Variants in LAP3 observed in about 807,000 individuals in gnomAD.
LAP3 encodes the protein cytosol aminopeptidase.
A neutral mutation model predicts 58.8 loss-of-function variants in LAP3; 46 were observed. The observed-to-expected ratio is 0.78, with a 90% CI of 0.62 to 1.00. The LOEUF (loss-of-function observed/expected upper bound fraction) is 1.00. Ranked by LOEUF, LAP3 falls within the 50% of genes least tolerant of loss-of-function variation. The pLI is 0.00. For missense variants in LAP3, 615 were observed against 659.1 expected, an observed-to-expected ratio of 0.93 and a Z score of 0.73; for synonymous variants, 257 against 237.7, an observed-to-expected ratio of 1.08 and a Z score of -0.75.
chr4:17,593,421 T>C (rs1205419689), intron 7 of LAP3, among the ~76,000 whole-genome samples: 1 of 152,040 alleles, frequency 6.6e-6, no homozygotes, highest in East Asian at 1.9e-4. Context: ...CAGTTGTCCA[T>C]ATAATTGTAG....
At chr4:17,597,734 T>C (rs578037273) in intron 9 of LAP3, among the ~76,000 whole-genome samples, 1 of 152,322 alleles carries the variant, frequency 6.6e-6, no homozygotes, top group South Asian at 2.1e-4. Flanking sequence ...AGCAGTAAAA[T>C]TGTGGGCTAT....
At chr4:17,587,309 G>T (rs1455011603) in intron 6 of LAP3, among the ~76,000 whole-genome samples, 3 of 152,186 alleles carry the variant, frequency 2.0e-5, no homozygotes, top group African/African-American at 7.2e-5. Context: ...ACTCTCCATT[G>T]TAGGTCAGTG....
intron 7 of LAP3, among the ~76,000 whole-genome samples, chr4:17,592,085 A>G (rs1346785107): frequency 1.3e-5 from 2 of 152,196 alleles, no homozygotes; most frequent in Non-Finnish European, 2.9e-5. Flanking sequence ...GTAAAACACC[A>G]TCTTTAAATA....
At chr4:17,589,021 T>G (rs151107690) in intron 7 of LAP3, 44 bp downstream of exon 7, 152 of 1,590,612 alleles carry the variant, frequency 9.6e-5, no homozygotes, top group Non-Finnish European at 1.2e-4. Context: ...GTGAATTATT[T>G]GTGTGCAGTT....
chr4:17,588,096 T>C (rs1196274410), intron 6 of LAP3, among the ~76,000 whole-genome samples: 1 of 152,170 alleles, frequency 6.6e-6, no homozygotes, highest in Non-Finnish European at 1.5e-5. Context: ...GGCGAGATCG[T>C]GGCTCACTGC....
chr4:17,583,471 T>C lies in LAP3; in HGVS notation c.380-12T>C, dbSNP rs749133535. ...ACTGACTCCAGTTTTCTGATTCCTC[T>C]GTCTTTTCAAGCGGGGTGCAGGCAG... On this transcript the variant is annotated splice_polypyrimidine_tract_variant and intron_variant, in intron 4 of 12. Transcript: ENST00000226299. 2.5e-6 allele frequency: 4 copies of C among 1,613,100 alleles called. No homozygotes were observed. The highest frequency in any genetic ancestry group is 3.4e-6 in the Non-Finnish European group (4 of 1,179,982).
rs1169028048 is a variant in LAP3, at chr4:17,582,422, C to T, written c.379+29C>T. On this transcript the variant is annotated intron_variant, in intron 4 of 12. Transcript: ENST00000226299. ...ATTTCACTTTTTAAGTTTAAAGAATCCTGAGGATCCACTCTTTTTGATGAC... is the reference window on the plus strand; with the variant it reads ...ATTTCACTTTTTAAGTTTAAAGAATTCTGAGGATCCACTCTTTTTGATGAC... 3 of 1,539,992 alleles carry T rather than the reference C, an allele frequency of 1.9e-6. No individual in the cohort carries two copies. In the South Asian group the frequency reaches 3.5e-5, roughly 18 times the overall value.
At chr4:17,606,965 T>G (rs747251475) in intron 12 of LAP3, 27 bp downstream of exon 12, 1 of 1,429,220 alleles carries the variant, frequency 7.0e-7, no homozygotes, top group Admixed American at 1.8e-5. Context: ...AAATGTACAT[T>G]TATACAATCA....
intron 2 of LAP3, among the ~76,000 whole-genome samples, chr4:17,581,054 C>T (rs112438978): frequency 1.5e-4 from 23 of 152,326 alleles, no homozygotes; most frequent in African/African-American, 4.8e-4. Context: ...GAGTACAGAA[C>T]GCCTGCCTTG....
chr4:17,581,566 C>G (rs1357791918), intron 2 of LAP3, among the ~76,000 whole-genome samples, 194 bp from the exon 3 acceptor site: 1 of 116,210 alleles, frequency 8.6e-6, no homozygotes, highest in African/African-American at 3.0e-5. Flanking sequence ...GAGTGAGACC[C>G]TGTCTCTATT....
At chr4:17,588,682 T>G (rs1713594674) in intron 6 of LAP3, 137 bp from the exon 7 acceptor site, 10 of 733,738 alleles carry the variant, frequency 1.4e-5, no homozygotes, top group Non-Finnish European at 1.9e-5. Context: ...TAATGGGACC[T>G]GATAATTGAA....
intron 10 of LAP3, among the ~76,000 whole-genome samples, chr4:17,599,804 CA>C (rs1363207267): frequency 2.6e-5 from 4 of 151,106 alleles, no homozygotes; most frequent in Non-Finnish European, 5.9e-5. Flanking sequence ...ACAAGTGACA[CA>C]GTGTGAAGCC....
chr4:17,581,929 C>T, intron 3 of LAP3, 115 bp downstream of exon 3: 1 of 860,264 alleles, frequency 1.2e-6, no homozygotes, highest in Non-Finnish European at 1.9e-6. Flanking sequence ...GATTTTATTC[C>T]ACTATTAAGC....
At chr4:17,590,958 G>A (rs546874800) in intron 7 of LAP3, among the ~76,000 whole-genome samples, 7 of 127,892 alleles carry the variant, frequency 5.5e-5, no homozygotes, top group Admixed American at 2.7e-4. Context: ...TAGTAGAGAC[G>A]TGGTCTTGCT....
At chr4:17,585,354 A>T in intron 6 of LAP3, 1 of 420,936 alleles carries the variant, frequency 2.4e-6, no homozygotes, top group Non-Finnish European at 4.4e-6. Flanking sequence ...TATACTATGT[A>T]TGTGTATATT....
rs1002986616 is a variant in LAP3 at position 17,592,563 on chromosome 4, C to G, written c.864-2847C>G. Among the ~76,000 whole-genome samples the G allele has an allele frequency of 2.6e-5, 4 of 152,296 alleles. No individual in the cohort carries two copies. In the East Asian group the frequency reaches 7.7e-4, roughly 29 times the overall value. ...TGTGGACGTGTTTTCCTTACTCTTG[C>G]GTAAATACCTAGGAAAACAGCCACT... On this transcript the variant is annotated intron_variant, in intron 7 of 12. Coordinates refer to ENST00000226299, the MANE Select transcript of LAP3 (RefSeq NM_015907.3).
intron 7 of LAP3, among the ~76,000 whole-genome samples, chr4:17,591,008 A>G (rs555732183): frequency 8.3e-5 from 12 of 145,096 alleles, no homozygotes; most frequent in South Asian, 2.1e-4. Context: ...AGCTCAAGCA[A>G]TCTGCCTGCC....
rs574489877 is a variant in LAP3, at chr4:17,600,361, T to C, written c.1180+1803T>C. Among the ~76,000 whole-genome samples, 156 of 151,642 alleles carry C rather than the reference T, an allele frequency of 1.0e-3. 1 individual carries two copies. Among genetic ancestry groups the C allele is most frequent in the African/African-American group, 3.7e-3 (151 of 41,204 alleles). On this transcript the variant is annotated intron_variant, in intron 10 of 12. Coordinates refer to ENST00000226299, the MANE Select transcript of LAP3 (RefSeq NM_015907.3). ...TAGTGTTTTCATGGTTTTTGGTCTA[T>C]CTATTCAGTTTAGCAAACACTTTAC...
Position 17,588,837 on chromosome 4 carries a change from G to A in LAP3, c.723G>A (p.Glu241=). The change falls in exon 7 of 13, where the codon GAG becomes GAA. Residue 241 remains glutamate, a synonymous_variant. Transcript: ENST00000226299. ...EVHIRPKSWI[E]EQAMGSFLSV... is the part of the protein sequence containing the mutation. The stretch of plus-strand genomic sequence containing the variant: ...CCTATAGACCCAAGTCTTGGATTGA[G>A]GAACAGGCAATGGGATCATTCCTCA... 6.2e-7 allele frequency: 1 copy of A among 1,614,012 alleles called. No homozygotes were observed. The highest frequency in any genetic ancestry group is 8.5e-7 in the Non-Finnish European group (1 of 1,179,956).
Sources: gnomAD v4.1 joint callset for allele counts (sites outside exome capture counted in the v4.1 genomes callset) on GRCh38, gnomAD v4.1.1 for gene constraint, MANE v1.5 for transcripts, NCBI Gene and HGNC (gene_info 2026-07-23, HGNC 2026-07-21) for gene names.